Variants in CASP4 observed in about 807,000 individuals in gnomAD.
The protein encoded by CASP4 is caspase-4.
In CASP4, 29 loss-of-function variants were observed where a neutral mutation model predicts 41.3. The observed-to-expected ratio is 0.70, with a 90% CI of 0.52 to 0.96. The LOEUF is 0.96. Ranked by LOEUF, CASP4 falls within the 40% of genes least tolerant of loss-of-function variation. CASP4 has a pLI of 0.00. For missense variants in CASP4, 447 were observed against 460.6 expected (o/e 0.97, Z 0.27); for synonymous variants, 185 against 158.4 (o/e 1.17, Z -1.26).
Position 104,953,755 on chromosome 11 carries a change from C to T in CASP4, c.262+992G>A, listed in dbSNP as rs56014625. Among the ~76,000 whole-genome samples, 517 of 152,092 alleles carry T rather than the reference C, an allele frequency of 3.4e-3. 1 individual carries two copies. The highest frequency in any genetic ancestry group is 0.012 in the African/African-American group (480 of 41,510). ...ATGGCTCAAGATTTCAGCTTAAATTCTGGGGGGTATTGAGTCTGTCTCTGG... is the reference window on the plus strand; with the variant it reads ...ATGGCTCAAGATTTCAGCTTAAATTTTGGGGGGTATTGAGTCTGTCTCTGG... On this transcript the variant is annotated intron_variant, in intron 2 of 8. Coordinates refer to ENST00000444739, the MANE Select transcript of CASP4 (RefSeq NM_001225.4).
chr11:104,948,386 C>T (rs1418257273), intron 6 of CASP4, 147 bp downstream of exon 6: 1 of 735,118 alleles, frequency 1.4e-6, no homozygotes, highest in Non-Finnish European at 2.0e-6. Context: ...AATCTGTTCT[C>T]ACGGCACACA....
intron 2 of CASP4, among the ~76,000 whole-genome samples, chr11:104,953,753 T>C (rs550373781): frequency 2.0e-5 from 3 of 152,136 alleles, no homozygotes; most frequent in Non-Finnish European, 4.4e-5. Context: ...TCAGCTTAAA[T>C]TCTGGGGGGT....
chr11:104,952,892 G>A (rs573836250), intron 2 of CASP4, among the ~76,000 whole-genome samples: 2 of 152,094 alleles, frequency 1.3e-5, no homozygotes, highest in East Asian at 3.9e-4. Flanking sequence ...TATGACCTTC[G>A]GTCCTATTTC....
At chr11:104,953,546 G>C (rs578147614) in intron 2 of CASP4, among the ~76,000 whole-genome samples, 1 of 152,224 alleles carries the variant, frequency 6.6e-6, no homozygotes, top group East Asian at 1.9e-4. Flanking sequence ...ATATTAATGA[G>C]AATGCTACCT....
At chr11:104,949,443 C>T (rs929270180) in intron 5 of CASP4, 100 bp downstream of exon 5, 118 of 1,236,280 alleles carry the variant, frequency 9.5e-5, no homozygotes, top group Non-Finnish European at 4.0e-5. Flanking sequence ...TTTATTTACA[C>T]TGGATGAGGT....
chr11:104,960,504 C>G (rs1309639615), intron 1 of CASP4, among the ~76,000 whole-genome samples: 2 of 152,080 alleles, frequency 1.3e-5, no homozygotes, highest in African/African-American at 4.8e-5. Context: ...GAGTCTCACT[C>G]TGTCACCCAG....
chr11:104,949,614 A>G lies in CASP4; in HGVS notation c.710T>C (p.Ile237Thr), dbSNP rs372801724. 3 of 1,613,856 alleles carry G rather than the reference A, an allele frequency of 1.9e-6. No individual in the cohort carries two copies. Among genetic ancestry groups the G allele is most frequent in the Non-Finnish European group, 2.5e-6 (3 of 1,179,896 alleles). Reference protein sequence around the residue: ...DVLLYDTIFQIFNNRNCLSLK... With the variant: ...DVLLYDTIFQTFNNRNCLSLK... ...ACTGAGGCAGTTGCGGTTGTTGAAT[A>G]TCTGGAAGATGGTGTCATAAAGCAG... The change falls in exon 5 of 9, where the codon ATA becomes ACA. Residue 237 changes from isoleucine (I) to threonine (T), a missense_variant. By Grantham distance (89) the Ile-to-Thr change is moderately conservative. Transcript: ENST00000444739.
chr11:104,961,213 A>G (rs1860851360), intron 1 of CASP4, among the ~76,000 whole-genome samples: 1 of 152,246 alleles, frequency 6.6e-6, no homozygotes, highest in Non-Finnish European at 1.5e-5. Context: ...CCCAATGTGC[A>G]TGCATTTAAT....
chr11:104,954,729 T>TA lies in CASP4; in HGVS notation c.262+17dup, dbSNP rs757340578. 16 of 1,609,306 alleles carry TA rather than the reference T, an allele frequency of 9.9e-6. No homozygotes were observed. Among genetic ancestry groups the TA allele is most frequent in the East Asian group, 2.2e-5 (1 of 44,834 alleles). The stretch of plus-strand genomic sequence containing the variant: ...TTAGGGAAAATTGAGACATTCATTG[T>TA]AAAAAATCCAGTCTTACCTTTTTTA... On this transcript the variant is annotated intron_variant, in intron 2 of 8. Coordinates refer to ENST00000444739, the MANE Select transcript of CASP4 (RefSeq NM_001225.4).
chr11:104,959,584 G>A (rs1324611128), intron 1 of CASP4, among the ~76,000 whole-genome samples: 1 of 152,148 alleles, frequency 6.6e-6, no homozygotes, highest in East Asian at 1.9e-4. Flanking sequence ...TGTCGGTATT[G>A]AAACCTATAC....
At chr11:104,961,670 A>G (rs1206640371) in intron 1 of CASP4, among the ~76,000 whole-genome samples, 2 of 152,202 alleles carry the variant, frequency 1.3e-5, no homozygotes, top group African/African-American at 4.8e-5. Flanking sequence ...GACAGAGAAT[A>G]GGAGGATAGT....
chr11:104,959,781 CTA>C (rs1322408805), intron 1 of CASP4, among the ~76,000 whole-genome samples: 2 of 152,188 alleles, frequency 1.3e-5, no homozygotes, highest in African/African-American at 4.8e-5. Context: ...TTGGCCTTCT[CTA>C]TGTCTTATTT....
intron 1 of CASP4, among the ~76,000 whole-genome samples, chr11:104,962,488 A>G (rs1473020491): frequency 1.3e-5 from 2 of 152,184 alleles, no homozygotes; most frequent in Non-Finnish European, 2.9e-5. Context: ...CTGTAATGGA[A>G]AGAGGGGTAT....
intron 1 of CASP4, among the ~76,000 whole-genome samples, chr11:104,955,876 G>A (rs1181471433): frequency 6.6e-6 from 1 of 152,044 alleles, no homozygotes; most frequent in African/African-American, 2.4e-5. Context: ...AATCCATGTA[G>A]ATGTAAGGAT....
chr11:104,956,461 T>A (rs764809408), intron 1 of CASP4: 11 of 165,624 alleles, frequency 6.6e-5, no homozygotes, highest in Non-Finnish European at 5.0e-5. Context: ...CTCTCTTATA[T>A]GGAAAATGGA....
At chr11:104,950,501 T>C (rs1382824404) in intron 4 of CASP4, among the ~76,000 whole-genome samples, 1 of 152,170 alleles carries the variant, frequency 6.6e-6, no homozygotes, top group Non-Finnish European at 1.5e-5. Flanking sequence ...GTAACCTAGA[T>C]GAATGCTGGC....
In CASP4 at chr11:104,960,088, C is replaced by A. The variant is rs185097246; in HGVS notation, c.8-5087G>T. Among the ~76,000 whole-genome samples the A allele has an allele frequency of 1.4e-3, 213 of 152,230 alleles. 3 individuals carry two copies. The South Asian group carries it at 0.042, about 30-fold the overall frequency. On this transcript the variant is annotated intron_variant, in intron 1 of 8. Coordinates refer to ENST00000444739, the MANE Select transcript of CASP4 (RefSeq NM_001225.4). ...CCCACCTTGCTCATTACATTCAAAA[C>A]GTTCTGCCTTCATTTAATTTCTGGA... is the stretch of plus-strand genomic sequence containing the variant.
chr11:104,952,299 A>G (rs968907037), intron 2 of CASP4, among the ~76,000 whole-genome samples: 10 of 152,230 alleles, frequency 6.6e-5, no homozygotes, highest in Middle Eastern at 3.4e-3. Context: ...TGATTTTTCC[A>G]AAGGTTTTAC....
At chr11:104,950,122 C>T (rs1237011678) in intron 4 of CASP4, among the ~76,000 whole-genome samples, 1 of 152,068 alleles carries the variant, frequency 6.6e-6, no homozygotes, top group African/African-American at 2.4e-5. Flanking sequence ...AAAATCCATC[C>T]CACTATGCTT....
Sources: allele counts gnomAD v4.1 joint callset (sites outside exome capture counted in the v4.1 genomes callset), GRCh38; gene constraint gnomAD v4.1.1; transcripts MANE v1.5; gene names NCBI Gene and HGNC (gene_info 2026-07-23, HGNC 2026-07-21).